STARD3NL: variants seen among roughly 807,000 people sequenced by gnomAD.
STARD3NL encodes the protein STARD3 N-terminal-like protein.
A neutral mutation model predicts 30.9 loss-of-function variants in STARD3NL; 17 were observed. The observed-to-expected ratio is 0.55, with a 90% CI of 0.38 to 0.82. The LOEUF is 0.82. Ranked by LOEUF, STARD3NL falls within the 40% of genes least tolerant of loss-of-function variation. The probability of loss-of-function intolerance (pLI) is 0.00; values close to 1 mark genes in which losing one functional copy is unlikely to be tolerated. For missense variants in STARD3NL, 234 were observed against 277.6 expected (o/e 0.84, Z 1.12); for synonymous variants, 112 against 100.5 (o/e 1.11, Z -0.69).
Position 38,217,074 on chromosome 7 carries a change from C to T in STARD3NL, c.431C>T (p.Ser144Leu). Residue 144 changes from serine (S) to leucine (L), a missense_variant, in exon 5 of 9, where the codon TCG becomes TTG. By Grantham distance (145) the Ser-to-Leu change is moderately radical. Transcript: ENST00000009041. ...TTTTTACTAGCAAAAGTGATCCTTTCGAAGGTATGGCCTACCACTTTTTCT... is the reference window on the plus strand; with the variant it reads ...TTTTTACTAGCAAAAGTGATCCTTTTGAAGGTATGGCCTACCACTTTTTCT... ...SAFLLAKVIL[S>L]KLFSQGAFGY... 1 of 1,614,084 alleles carries T rather than the reference C, an allele frequency of 6.2e-7. No individual in the cohort carries two copies.
chr7:38,179,002 AT>A (rs765043859), intron 1 of STARD3NL: 4 of 151,906 alleles, frequency 2.6e-5, no homozygotes, highest in Non-Finnish European at 5.9e-5. Context: ...AGGGTTAGGG[AT>A]TTTTCCCCCT....
chr7:38,209,780 G>A (rs557730069), intron 2 of STARD3NL, among the ~76,000 whole-genome samples: 3 of 152,240 alleles, frequency 2.0e-5, no homozygotes, highest in African/African-American at 7.2e-5. Context: ...TCTCCTTTCT[G>A]TTTTGTCCAG....
In STARD3NL at chr7:38,215,354, T is replaced by C. The variant is rs532370347; in HGVS notation, c.381+249T>C. 1.6e-5 allele frequency: 8 copies of C among 498,268 alleles called. No individual in the cohort carries two copies. The East Asian group carries it at 1.6e-4, about 10-fold the overall frequency. 30.9% of individuals were successfully genotyped at this position (498,268 alleles called of 1,614,324 possible). A position where few individuals can be genotyped will look rare whatever the true frequency, so the allele number is the denominator to read the frequency against. On this transcript the variant is annotated intron_variant, in intron 4 of 8. Transcript: ENST00000009041. ...GAATCTAGAAGCCCAACAGTGATTA[T>C]TGGCCAAGCACCAAGCCACCCTCTA... is the stretch of plus-strand genomic sequence containing the variant.
intron 1 of STARD3NL, among the ~76,000 whole-genome samples, chr7:38,201,457 G>A (rs1158646951): frequency 6.6e-6 from 1 of 152,042 alleles, no homozygotes. Context: ...GTGAAACTAA[G>A]AAAATGATTT....
intron 1 of STARD3NL, among the ~76,000 whole-genome samples, chr7:38,184,772 A>G (rs1784392812): frequency 6.9e-6 from 1 of 145,440 alleles, no homozygotes; most frequent in Admixed American, 6.8e-5. Flanking sequence ...TTGCTCTCAA[A>G]TAATGCAACA....
intron 1 of STARD3NL, among the ~76,000 whole-genome samples, chr7:38,206,281 C>T (rs10480164): frequency 0.42 from 64,523 of 151,958 alleles, 14,054 homozygotes; most frequent in East Asian, 0.5. Flanking sequence ...CACATACTGG[C>T]GATTCATGTA....
At chr7:38,184,340 A>G (rs906762166) in intron 1 of STARD3NL, among the ~76,000 whole-genome samples, 24 of 152,134 alleles carry the variant, frequency 1.6e-4, no homozygotes, top group Admixed American at 1.4e-3. Flanking sequence ...CTTCCTATAG[A>G]TACTTTAGGC....
intron 1 of STARD3NL, among the ~76,000 whole-genome samples, chr7:38,202,869 C>T (rs1171677533): frequency 6.6e-6 from 1 of 151,748 alleles, no homozygotes; most frequent in Non-Finnish European, 1.5e-5. Context: ...TGATGGTTTC[C>T]AGCTTCATCC....
intron 1 of STARD3NL, among the ~76,000 whole-genome samples, chr7:38,197,194 T>TTCTTTCTTTCTTTC: frequency 7.0e-6 from 1 of 143,712 alleles, no homozygotes; most frequent in Non-Finnish European, 1.5e-5. Flanking sequence ...CTTTCTTTCT[T>TTCTTTCTTTCTTTC]TTTCTCTCTC....
At chr7:38,207,200 C>G (rs191717494) in intron 1 of STARD3NL, among the ~76,000 whole-genome samples, 2 of 152,266 alleles carry the variant, frequency 1.3e-5, no homozygotes, top group Admixed American at 1.3e-4. Flanking sequence ...CTGCCTTCAC[C>G]CTTTCCTACA....
At chr7:38,196,773 C>T (rs1562603053) in intron 1 of STARD3NL, among the ~76,000 whole-genome samples, 2 of 151,896 alleles carry the variant, frequency 1.3e-5, no homozygotes, top group African/African-American at 2.4e-5. Context: ...TTTCTATTGC[C>T]TCAGCTATTA....
chr7:38,216,906 A>T, intron 4 of STARD3NL, 119 bp from the exon 5 acceptor site: 1 of 1,182,222 alleles, frequency 8.5e-7, no homozygotes, highest in Non-Finnish European at 1.2e-6. Flanking sequence ...GAGCCAGGCT[A>T]GGCACAGGTT....
intron 1 of STARD3NL, among the ~76,000 whole-genome samples, chr7:38,180,026 A>G (rs1784184616): frequency 6.6e-6 from 1 of 152,206 alleles, no homozygotes; most frequent in Admixed American, 6.5e-5. Flanking sequence ...GTGACACTGG[A>G]GAGGTGTACA....
rs1275889974 is a variant in STARD3NL, at chr7:38,230,189, T to C, written c.*284T>C. ...GTTAACAAATAGGTGAAGAAAGTCT[T>C]GTGCTGTATTCCTAATCAAAAGACT... On this transcript the variant is annotated 3_prime_UTR_variant, in exon 9 of 9. Coordinates refer to ENST00000009041, the MANE Select transcript of STARD3NL (RefSeq NM_032016.4). 1 of 152,676 alleles carries C rather than the reference T, an allele frequency of 6.5e-6. No homozygotes were observed. Among genetic ancestry groups the C allele is most frequent in the Non-Finnish European group, 1.5e-5 (1 of 68,044 alleles). 9.5% of individuals were successfully genotyped at this position (152,676 alleles called of 1,614,324 possible).
chr7:38,185,863 A>C (rs1784437956), intron 1 of STARD3NL, among the ~76,000 whole-genome samples: 2 of 152,230 alleles, frequency 1.3e-5, no homozygotes, highest in African/African-American at 4.8e-5. Flanking sequence ...ACTTTTAGCC[A>C]CTTGCCTATG....
intron 1 of STARD3NL, among the ~76,000 whole-genome samples, chr7:38,190,648 T>C (rs1784648555): frequency 6.6e-6 from 1 of 152,348 alleles, no homozygotes; most frequent in South Asian, 2.1e-4. Context: ...ATTACTAAAC[T>C]GTAATCAATT....
rs528264959 is a variant in STARD3NL at position 38,184,819 on chromosome 7, CATAT to C, written c.-59+6407_-59+6410del. On this transcript the variant is annotated intron_variant, in intron 1 of 8. Transcript: ENST00000009041. ...AAAGAAAATTATGACTATGGAAATACATATATATATAGGCAGCATATATACTATA... is the reference window on the plus strand; with the variant it reads ...AAAGAAAATTATGACTATGGAAATACATATATAGGCAGCATATATACTATA... Among the ~76,000 whole-genome samples, 83 of 145,010 alleles carry C rather than the reference CATAT, an allele frequency of 5.7e-4. 1 individual carries two copies. Among genetic ancestry groups the C allele is most frequent in the South Asian group, 8.7e-4 (4 of 4,582 alleles).
intron 7 of STARD3NL, among the ~76,000 whole-genome samples, chr7:38,228,390 T>C (rs111342338): frequency 6.6e-6 from 1 of 152,340 alleles, no homozygotes; most frequent in African/African-American, 2.4e-5. Context: ...GCTCTCTCAC[T>C]GCTCTCTCGC....
At chr7:38,218,224 GA>G (rs557470372) in intron 6 of STARD3NL, among the ~76,000 whole-genome samples, 1 of 149,604 alleles carries the variant, frequency 6.7e-6, no homozygotes, top group East Asian at 1.9e-4. Flanking sequence ...TGCCTCATAG[GA>G]AAAAAAAAGT....
Sources: gnomAD v4.1 joint callset for allele counts (sites outside exome capture counted in the v4.1 genomes callset) on GRCh38, gnomAD v4.1.1 for gene constraint, MANE v1.5 for transcripts, NCBI Gene and HGNC (gene_info 2026-07-23, HGNC 2026-07-21) for gene names.